The following ETFA variants were observed in gnomAD, a reference collection of about 807,000 sequenced individuals.
The protein encoded by ETFA is electron transfer flavoprotein subunit alpha, also known as electron transfer flavoprotein subunit alpha, mitochondrial.
A neutral mutation model predicts 46.2 loss-of-function variants in ETFA; 22 were observed. That is an observed-to-expected ratio of 0.48 (90% confidence interval 0.34 to 0.68). ETFA has a LOEUF of 0.68. ETFA is among the 30% of genes least tolerant of loss of function. ETFA has a pLI of 0.01. For missense variants in ETFA, 345 were observed against 401.1 expected (o/e 0.86, Z 1.19); for synonymous variants, 131 against 139.9 (o/e 0.94, Z 0.45).
chr15:76,267,930 C>T (rs2039488169), intron 9 of ETFA, among the ~76,000 whole-genome samples: 1 of 151,618 alleles, frequency 6.6e-6, no homozygotes, highest in Non-Finnish European at 1.5e-5. Flanking sequence ...GGGTGCCCAC[C>T]AAACATCTGA....
rs1360733118 is a variant in ETFA, at chr15:76,216,469, C to T, written c.*90G>A. The T allele has an allele frequency of 1.2e-6, 1 of 807,956 alleles. No homozygotes were observed. Among genetic ancestry groups the T allele is most frequent in the African/African-American group, 1.7e-5 (1 of 59,040 alleles). 50.0% of individuals were successfully genotyped at this position (807,956 alleles called of 1,614,324 possible). ...AAATTATGAAATGTAGCTCTCCATG[C>T]TTTCCAATGATTGTTATAATACCCA... On this transcript the variant is annotated 3_prime_UTR_variant, in exon 12 of 12. Coordinates refer to ENST00000557943, the MANE Select transcript of ETFA (RefSeq NM_000126.4).
At chr15:76,289,360 G>A (rs1487314107) in intron 4 of ETFA, among the ~76,000 whole-genome samples, 1 of 152,134 alleles carries the variant, frequency 6.6e-6, no homozygotes, top group Non-Finnish European at 1.5e-5. Context: ...ATAGTTACTT[G>A]GCTGAACAGA....
intron 8 of ETFA, among the ~76,000 whole-genome samples, chr15:76,278,346 C>T (rs2039617052): frequency 6.6e-6 from 1 of 152,168 alleles, no homozygotes. Flanking sequence ...ATTAACTCTC[C>T]CCCATTGTCC....
At chr15:76,282,991 T>C (rs1205181298) in intron 8 of ETFA, among the ~76,000 whole-genome samples, 1 of 152,104 alleles carries the variant, frequency 6.6e-6, no homozygotes, top group Non-Finnish European at 1.5e-5. Context: ...CATCACTCCC[T>C]TCTCATCAAT....
chr15:76,282,538 A>G (rs2039665951), intron 8 of ETFA, among the ~76,000 whole-genome samples: 1 of 152,226 alleles, frequency 6.6e-6, no homozygotes, highest in Non-Finnish European at 1.5e-5. Context: ...ACACTTGATA[A>G]ATACTTGTTC....
intron 9 of ETFA, chr15:76,259,211 T>TC: frequency 6.5e-7 from 1 of 1,544,082 alleles, no homozygotes. Flanking sequence ...CCAGGCTGCC[T>TC]CCCACAGTGG....
intron 9 of ETFA, among the ~76,000 whole-genome samples, chr15:76,263,328 A>G (rs1272841108): frequency 6.6e-6 from 1 of 152,092 alleles, no homozygotes; most frequent in Non-Finnish European, 1.5e-5. Flanking sequence ...CCCAATATTC[A>G]TGGCACCCAA....
intron 9 of ETFA, among the ~76,000 whole-genome samples, chr15:76,236,502 C>T (rs1275704661): frequency 2.5e-4 from 38 of 152,224 alleles, no homozygotes; most frequent in Non-Finnish European, 1.5e-5. Context: ...ACTAGGGAAC[C>T]GTGGACTATG....
chr15:76,299,473 G>C (rs1335937973), intron 1 of ETFA, among the ~76,000 whole-genome samples: 2 of 152,050 alleles, frequency 1.3e-5, no homozygotes, highest in Non-Finnish European at 2.9e-5. Flanking sequence ...TGTAGAGGCA[G>C]GGTCTTGCTG....
At chr15:76,272,011 T>C (rs1314454713) in intron 9 of ETFA, among the ~76,000 whole-genome samples, 3 of 152,122 alleles carry the variant, frequency 2.0e-5, no homozygotes, top group Non-Finnish European at 4.4e-5. Flanking sequence ...GCATTTAATA[T>C]ATTTCCTTAT....
chr15:76,284,451 TC>T (rs2039686539), intron 7 of ETFA: 1 of 210,498 alleles, frequency 4.8e-6, no homozygotes, highest in Non-Finnish European at 9.3e-6. Context: ...ATGCAGAACC[TC>T]CGTCTCTACT....
intron 9 of ETFA, chr15:76,259,878 G>A (rs1448258431): frequency 2.3e-6 from 3 of 1,307,086 alleles, no homozygotes; most frequent in African/African-American, 1.5e-5. Context: ...AGGTCCCCAT[G>A]CTTCATGAAG....
intron 9 of ETFA, among the ~76,000 whole-genome samples, chr15:76,273,321 C>T (rs1360041017): frequency 2.0e-5 from 3 of 152,052 alleles, no homozygotes; most frequent in Admixed American, 6.6e-5. Context: ...TTTGGGAGGC[C>T]GAGGCAGGTG....
chr15:76,266,122 A>C (rs2039467789), intron 9 of ETFA, among the ~76,000 whole-genome samples: 1 of 152,220 alleles, frequency 6.6e-6, no homozygotes, highest in Non-Finnish European at 1.5e-5. Context: ...AACAGATTTG[A>C]GGGCTGTTAA....
intron 9 of ETFA, among the ~76,000 whole-genome samples, chr15:76,237,686 T>G (rs1040349243): frequency 2.0e-5 from 3 of 152,218 alleles, no homozygotes; most frequent in Non-Finnish European, 4.4e-5. Context: ...ATAATGCTAT[T>G]ATTTCTAAAA....
At chr15:76,240,411 T>G (rs913079019) in intron 9 of ETFA, among the ~76,000 whole-genome samples, 1 of 152,212 alleles carries the variant, frequency 6.6e-6, no homozygotes, top group African/African-American at 2.4e-5. Context: ...TCCCAGGACA[T>G]ATAGGGAACT....
At chr15:76,253,599 C>T (rs191775189) in intron 9 of ETFA, among the ~76,000 whole-genome samples, 32 of 152,130 alleles carry the variant, frequency 2.1e-4, no homozygotes, top group Non-Finnish European at 4.3e-4. Context: ...AAAACAGACC[C>T]AAATTAAATA....
At chr15:76,239,514 G>C (rs916915420) in intron 9 of ETFA, among the ~76,000 whole-genome samples, 1 of 151,890 alleles carries the variant, frequency 6.6e-6, no homozygotes, top group Non-Finnish European at 1.5e-5. Flanking sequence ...AACAAATTTT[G>C]TATCCTTTGA....
chr15:76,307,416 C>T (rs938392354), intron 1 of ETFA, among the ~76,000 whole-genome samples: 6 of 151,606 alleles, frequency 4.0e-5, no homozygotes, highest in Non-Finnish European at 7.4e-5. Context: ...ATACCAAATG[C>T]AAGTCATTGA....
Sources: gnomAD v4.1 joint callset for allele counts (sites outside exome capture counted in the v4.1 genomes callset) on GRCh38, gnomAD v4.1.1 for gene constraint, MANE v1.5 for transcripts, NCBI Gene and HGNC (gene_info 2026-07-23, HGNC 2026-07-21) for gene names.